The following MAPKAPK2 variants were observed in gnomAD, a reference collection of about 807,000 sequenced individuals.
MAPKAPK2 encodes MAPK activated protein kinase 2.
In MAPKAPK2, 9 loss-of-function variants were observed where a neutral mutation model predicts 48.8. That is an observed-to-expected ratio of 0.18 (90% CI 0.11 to 0.32). The LOEUF (loss-of-function observed/expected upper bound fraction) is 0.32. Among genes scored for constraint, MAPKAPK2 ranks in the 10% least tolerant of loss-of-function variants. MAPKAPK2 has a pLI of 1.00. For synonymous variants in MAPKAPK2, 202 were observed against 190.6 expected (o/e 1.06, Z -0.49); for missense variants, 331 against 498.3 (o/e 0.66, Z 3.20).
intron 1 of MAPKAPK2, among the ~76,000 whole-genome samples, chr1:206,711,373 C>A (rs370157721): frequency 6.6e-6 from 1 of 152,142 alleles, no homozygotes; most frequent in South Asian, 2.1e-4. Flanking sequence ...GCCTCAGCCT[C>A]CCAAGTAGCT....
At chr1:206,699,564 C>T (rs1304005884) in intron 1 of MAPKAPK2, among the ~76,000 whole-genome samples, 3 of 152,188 alleles carry the variant, frequency 2.0e-5, no homozygotes, top group Non-Finnish European at 4.4e-5. Flanking sequence ...TGTGAACCAA[C>T]GCATCACATA....
At chr1:206,700,022 TAAA>T (rs1194939272) in intron 1 of MAPKAPK2, among the ~76,000 whole-genome samples, 9 of 148,364 alleles carry the variant, frequency 6.1e-5, no homozygotes, top group African/African-American at 2.3e-4. Flanking sequence ...TTTTTTTTTT[TAAA>T]TAAAGAAAGA....
intron 1 of MAPKAPK2, among the ~76,000 whole-genome samples, chr1:206,726,741 C>T (rs963392641): frequency 1.3e-5 from 2 of 152,256 alleles, no homozygotes; most frequent in African/African-American, 4.8e-5. Flanking sequence ...TGCTACTTCT[C>T]TGAGCCTCAG....
Position 206,730,005 on chromosome 1 carries a change from A to G in MAPKAPK2, c.598A>G (p.Asn200Asp). 1.2e-6 allele frequency: 2 copies of G among 1,614,246 alleles called. No individual in the cohort carries two copies. The highest frequency in any genetic ancestry group is 1.3e-5 in the African/African-American group (1 of 75,064). The change falls in exon 5 of 10, where the codon AAC becomes GAC. Residue 200 changes from asparagine (N) to aspartate (D), a missense_variant. Transcript: ENST00000367103. ...ENLLYTSKRP[N>D]AILKLTDFGF... ...TCTCTTATACACCTCCAAAAGGCCC[A>G]ACGCCATCCTGAAACTCACTGACTT...
intron 1 of MAPKAPK2, among the ~76,000 whole-genome samples, chr1:206,694,691 G>A (rs1558573913): frequency 6.6e-6 from 1 of 152,192 alleles, no homozygotes; most frequent in Admixed American, 6.5e-5. Flanking sequence ...GAGAGCCCTG[G>A]ACACTAAAGG....
In MAPKAPK2 at chr1:206,732,318, T is replaced by G; in HGVS notation, c.1060-257T>G. The stretch of plus-strand genomic sequence containing the variant: ...CTGACTCCTGGCCCAAGTCTCTTCC[T>G]CCTATCCTGCGGGATCACTGGGGGG... On this transcript the variant is annotated intron_variant, in intron 9 of 9. Transcript: ENST00000367103. This position sits in a 1 kb window ranked among gnomAD's most constrained non-coding sequence, Gnocchi z 4.4. 3.5e-6 allele frequency: 5 copies of G among 1,444,890 alleles called. No homozygotes were observed. Among genetic ancestry groups the G allele is most frequent in the Non-Finnish European group, 4.5e-6 (5 of 1,103,492 alleles). The allele number at this position is 1,444,890 out of a possible 1,614,324, so 89.5% of individuals were successfully genotyped here.
intron 1 of MAPKAPK2, among the ~76,000 whole-genome samples, chr1:206,703,420 G>A (rs1204585165): frequency 6.6e-6 from 1 of 152,208 alleles, no homozygotes; most frequent in Non-Finnish European, 1.5e-5. Flanking sequence ...ATTGGCAGGA[G>A]ATTGGAAAAG....
In MAPKAPK2 at chr1:206,730,112, G is replaced by C; in HGVS notation, c.691+14G>C. ...CGTACTATGTGGGTAAGTCCACAGGGGGCCCAGGGACCTAGGCTTTTCCCA... is the reference window on the plus strand; with the variant it reads ...CGTACTATGTGGGTAAGTCCACAGGCGGCCCAGGGACCTAGGCTTTTCCCA... On this transcript the variant is annotated intron_variant, in intron 5 of 9. Coordinates refer to ENST00000367103, the MANE Select transcript of MAPKAPK2 (RefSeq NM_032960.4). The C allele has an allele frequency of 6.2e-7, 1 of 1,614,024 alleles. No individual in the cohort carries two copies. The highest frequency in any genetic ancestry group is 8.5e-7 in the Non-Finnish European group (1 of 1,179,980).
At chr1:206,696,983 T>C (rs1413723988) in intron 1 of MAPKAPK2, among the ~76,000 whole-genome samples, 1 of 152,208 alleles carries the variant, frequency 6.6e-6, no homozygotes, top group Non-Finnish European at 1.5e-5. Context: ...TGAGCATTTC[T>C]TCCCTCTACC....
intron 1 of MAPKAPK2, among the ~76,000 whole-genome samples, chr1:206,727,763 A>C (rs1474080183): frequency 1.3e-5 from 2 of 152,160 alleles, no homozygotes; most frequent in Non-Finnish European, 2.9e-5. Context: ...CTGGGGCTAC[A>C]GTCGCCTGCC....
intron 2 of MAPKAPK2, 57 bp downstream of exon 2, chr1:206,728,906 C>G: frequency 6.2e-7 from 1 of 1,612,082 alleles, no homozygotes; most frequent in South Asian, 1.1e-5. Flanking sequence ...CACTCAGGCA[C>G]CTTACCCTCT....
chr1:206,714,791 A>AC (rs1428154023), intron 1 of MAPKAPK2, among the ~76,000 whole-genome samples: 2 of 149,822 alleles, frequency 1.3e-5, no homozygotes, highest in Admixed American at 6.7e-5. Flanking sequence ...AGAAGTCCCA[A>AC]CCCCCCAGTT....
At chr1:206,725,651 A>G (rs1455964355) in intron 1 of MAPKAPK2, among the ~76,000 whole-genome samples, 2 of 152,152 alleles carry the variant, frequency 1.3e-5, no homozygotes, top group African/African-American at 4.8e-5. Context: ...CAAATTTCAG[A>G]CTGGGCCAAG....
intron 3 of MAPKAPK2, 44 bp downstream of exon 3, chr1:206,729,143 A>T: frequency 1.9e-6 from 3 of 1,597,240 alleles, no homozygotes; most frequent in Non-Finnish European, 2.6e-6. Flanking sequence ...CAGGCAGGGC[A>T]GTGGGGGTCT....
intron 1 of MAPKAPK2, among the ~76,000 whole-genome samples, chr1:206,727,904 C>T (rs893004058): frequency 8.5e-5 from 13 of 152,058 alleles, no homozygotes; most frequent in East Asian, 3.9e-4. Context: ...ATTACAGGCA[C>T]GAGCCACCGT....
chr1:206,728,779 A>G lies in MAPKAPK2; in HGVS notation c.349A>G (p.Ile117Val). The G allele has an allele frequency of 5.6e-6, 9 of 1,614,092 alleles. No individual in the cohort carries two copies. In the South Asian group the frequency reaches 6.6e-5, roughly 12 times the overall value. ...CTGGCGGGCCTCCCAGTGCCCGCACATCGTACGGATCGTGGATGTGTACGA... is the reference window on the plus strand; with the variant it reads ...CTGGCGGGCCTCCCAGTGCCCGCACGTCGTACGGATCGTGGATGTGTACGA... ...LHWRASQCPHIVRIVDVYENL... is the reference protein window; with the variant it reads ...LHWRASQCPHVVRIVDVYENL... The change falls in exon 2 of 10, where the codon ATC becomes GTC. Residue 117 changes from isoleucine (I) to valine (V), a missense_variant. Physicochemically the swap from Ile to Val is conservative, Grantham distance 29. This residue lies in a region of MAPKAPK2 where 111 missense variants were observed against 193.6 expected (regional missense o/e 0.57). Transcript: ENST00000367103.
At chr1:206,700,235 C>T (rs1404675721) in intron 1 of MAPKAPK2, among the ~76,000 whole-genome samples, 2 of 152,102 alleles carry the variant, frequency 1.3e-5, no homozygotes, top group Non-Finnish European at 2.9e-5. Context: ...GGGAAGTAGT[C>T]AGTGCTTGGA....
chr1:206,711,052 G>A lies in MAPKAPK2; in HGVS notation c.280-17658G>A, dbSNP rs563079482. 5.3e-5 allele frequency among the ~76,000 whole-genome samples: 8 copies of A among 152,300 alleles called. 1 individual carries two copies. The highest frequency in any genetic ancestry group is 1.9e-4 in the African/African-American group (8 of 41,552). The stretch of plus-strand genomic sequence containing the variant: ...ATAATTTTCCTCATTGGTGATTAGG[G>A]TTGCTTTGCATGGTCATTTTTATGG... On this transcript the variant is annotated intron_variant, in intron 1 of 9. Transcript: ENST00000367103.
Position 206,704,874 on chromosome 1 carries a change from CTT to C in MAPKAPK2, c.279+19367_279+19368del, listed in dbSNP as rs1349854203. On this transcript the variant is annotated intron_variant, in intron 1 of 9. Transcript: ENST00000367103. This position sits in a 1 kb window ranked among gnomAD's most constrained non-coding sequence, Gnocchi z 4.3. Reference sequence around the variant, plus strand: ...AGCTATGTTCAGGGAACTGGGTGAACTTGGAAGAAGGAGCCGCCCGTTTCTCC... The same window carrying C: ...AGCTATGTTCAGGGAACTGGGTGAACGGAAGAAGGAGCCGCCCGTTTCTCC... Among the ~76,000 whole-genome samples the C allele has an allele frequency of 9.8e-5, 15 of 152,308 alleles. No individual in the cohort carries two copies. The highest frequency in any genetic ancestry group is 7.2e-4 in the Admixed American group (11 of 15,310).
Sources: gnomAD v4.1 joint callset for allele counts (sites outside exome capture counted in the v4.1 genomes callset) on GRCh38, gnomAD v4.1.1 for gene constraint, gnomAD v4.1.1 regional missense constraint, Gnocchi (gnomAD v3.1) non-coding constraint, MANE v1.5 for transcripts, NCBI Gene and HGNC (gene_info 2026-07-23, HGNC 2026-07-21) for gene names.